The following INSR variants were observed in gnomAD, a reference collection of about 807,000 sequenced individuals.
INSR encodes insulin receptor, also known as IR.
INSR carries 67 observed loss-of-function variants against 142.6 expected under a neutral mutation model. That is an observed-to-expected ratio of 0.47 (90% confidence interval 0.39 to 0.58). INSR has a LOEUF of 0.58. INSR is among the 20% of genes least tolerant of loss of function. The probability of loss-of-function intolerance (pLI) is 0.00; values close to 1 mark genes in which losing one functional copy is unlikely to be tolerated. For synonymous variants in INSR, 756 were observed against 743.1 expected (o/e 1.02, Z -0.28); for missense variants, 1,248 against 1,833.2 (o/e 0.68, Z 5.83).
intron 9 of INSR, among the ~76,000 whole-genome samples, chr19:7,153,329 C>CA: frequency 2.2e-5 from 1 of 44,486 alleles, no homozygotes; most frequent in South Asian, 7.8e-4. Flanking sequence ...ACACCACACA[C>CA]ACCCACGCCA....
Position 7,192,733 on chromosome 19 carries a change from C to G in INSR, c.653-8096G>C, listed in dbSNP as rs968233851. Among the ~76,000 whole-genome samples, 2 of 152,158 alleles carry G rather than the reference C, an allele frequency of 1.3e-5. No homozygotes were observed. Among genetic ancestry groups the G allele is most frequent in the African/African-American group, 4.8e-5 (2 of 41,424 alleles). ...CAAAAATGCAAGTTCTGTGTCCATC[C>G]GCTGTCTCCCCTTCAAAGCCACATT... On this transcript the variant is annotated intron_variant, in intron 2 of 21. Transcript: ENST00000302850. This position sits in a 1 kb window ranked among gnomAD's most constrained non-coding sequence, Gnocchi z 4.2.
intron 2 of INSR, among the ~76,000 whole-genome samples, chr19:7,185,134 T>G (rs61418702): frequency 0.14 from 20,868 of 151,940 alleles, 1,905 homozygotes; most frequent in African/African-American, 0.26. Context: ...TATTAGGAGG[T>G]GGTGAGTTTT....
At chr19:7,210,018 A>G (rs1975226425) in intron 2 of INSR, among the ~76,000 whole-genome samples, 1 of 152,054 alleles carries the variant, frequency 6.6e-6, no homozygotes, top group South Asian at 2.1e-4. Flanking sequence ...AGAAACAGAG[A>G]TTCAAAATGA....
intron 13 of INSR, among the ~76,000 whole-genome samples, chr19:7,133,455 C>G (rs1251394714): frequency 6.6e-6 from 1 of 152,192 alleles, no homozygotes; most frequent in African/African-American, 2.4e-5. Flanking sequence ...GTGTTATTAG[C>G]TATAGTCACC....
In INSR at chr19:7,125,176, G is replaced by T; in HGVS notation, c.3258+107C>A. ...GGGAAGCTTAGTGGAGTGAGGGGTG[G>T]GTAGGAGGTTACACCCTGTGTCCTC... On this transcript the variant is annotated intron_variant, in intron 17 of 21. Coordinates refer to ENST00000302850, the MANE Select transcript of INSR (RefSeq NM_000208.4). The surrounding 1 kb of genome is among the most constrained non-coding windows in gnomAD (Gnocchi z 4.9). 2 of 1,341,034 alleles carry T rather than the reference G, an allele frequency of 1.5e-6. No homozygotes were observed. The highest frequency in any genetic ancestry group is 2.4e-5 in the South Asian group (2 of 82,644). The allele number at this position is 1,341,034 out of a possible 1,614,324, so 83.1% of individuals were successfully genotyped here. A position where few individuals can be genotyped will look rare whatever the true frequency, so the allele number is the denominator to read the frequency against.
intron 2 of INSR, among the ~76,000 whole-genome samples, chr19:7,255,041 C>G (rs768560070): frequency 6.6e-6 from 1 of 151,934 alleles, no homozygotes; most frequent in African/African-American, 2.4e-5. Flanking sequence ...CGCACCCACC[C>G]GCTCCAGGAA....
At chr19:7,246,266 G>A (rs1976533980) in intron 2 of INSR, among the ~76,000 whole-genome samples, 1 of 152,128 alleles carries the variant, frequency 6.6e-6, no homozygotes, top group Non-Finnish European at 1.5e-5. Flanking sequence ...CACACAAGAT[G>A]CAAACAGAAA....
rs187249683 is a variant in INSR, at chr19:7,198,188, C to T, written c.653-13551G>A. ...CGCACTCCGCTCCGGGGAATCCGGC[C>T]CCGGCGGTTGCGGCGGCCGCAGCGC... On this transcript the variant is annotated intron_variant, in intron 2 of 21. Coordinates refer to ENST00000302850, the MANE Select transcript of INSR (RefSeq NM_000208.4). Among the ~76,000 whole-genome samples, 39 of 151,786 alleles carry T rather than the reference C, an allele frequency of 2.6e-4. No homozygotes were observed. In the East Asian group the frequency reaches 7.4e-3, roughly 29 times the overall value.
intron 1 of INSR, among the ~76,000 whole-genome samples, chr19:7,282,046 G>A (rs1280839711): frequency 1.3e-5 from 2 of 152,142 alleles, no homozygotes; most frequent in African/African-American, 4.8e-5. Context: ...AGCTTGTTCT[G>A]CTGGAAACAA....
At chr19:7,273,086 T>G (rs1327710826) in intron 1 of INSR, among the ~76,000 whole-genome samples, 1 of 152,212 alleles carries the variant, frequency 6.6e-6, no homozygotes, top group Non-Finnish European at 1.5e-5. Context: ...GTTGCACAAC[T>G]GTAAATGTCC....
chr19:7,120,218 C>T (rs770072858), intron 20 of INSR, among the ~76,000 whole-genome samples: 1 of 152,200 alleles, frequency 6.6e-6, no homozygotes, highest in Non-Finnish European at 1.5e-5. Flanking sequence ...CTCCCCACTT[C>T]GAGTTGTCTC....
chr19:7,217,851 A>G (rs931084358), intron 2 of INSR, among the ~76,000 whole-genome samples: 46 of 152,304 alleles, frequency 3.0e-4, no homozygotes, highest in African/African-American at 9.1e-4. Context: ...AAGCCACCGC[A>G]CCCGGCCTTC....
At chr19:7,118,203 C>A (rs922217490) in intron 21 of INSR, among the ~76,000 whole-genome samples, 2 of 151,824 alleles carry the variant, frequency 1.3e-5, no homozygotes, top group African/African-American at 4.8e-5. Context: ...TGTGCCACTG[C>A]GCTCTACCAG....
chr19:7,293,865 C>T lies in INSR; in HGVS notation c.27G>A (p.Ala9=), dbSNP rs1250224034. The change falls in exon 1 of 22, where the codon GCG becomes GCA. Residue 9 remains alanine (A), a synonymous_variant. Transcript: ENST00000302850. ...CCGCCACCAGCAGCGGCGCGGCCGC[C>T]GCCCCCCGCCGGCCCCCGGTGGCCA... is the stretch of plus-strand genomic sequence containing the variant. The part of the protein sequence containing the change: MATGGRRG[A]AAAPLLVAVA... The T allele has an allele frequency of 1.6e-6, 2 of 1,241,092 alleles. No individual in the cohort carries two copies. Among genetic ancestry groups the T allele is most frequent in the South Asian group, 3.4e-5 (1 of 29,352 alleles). The allele number at this position is 1,241,092 out of a possible 1,614,324, so 76.9% of individuals were successfully genotyped here.
chr19:7,260,136 T>C (rs1331287817), intron 2 of INSR, among the ~76,000 whole-genome samples: 1 of 152,208 alleles, frequency 6.6e-6, no homozygotes, highest in African/African-American at 2.4e-5. Context: ...AACTCGTGCA[T>C]TTAAATACGT....
At chr19:7,160,852 G>T (rs1055059483) in intron 9 of INSR, among the ~76,000 whole-genome samples, 3 of 151,600 alleles carry the variant, frequency 2.0e-5, no homozygotes, top group African/African-American at 7.3e-5. Context: ...ACAAAAATTA[G>T]CCGGTGTAGT....
In INSR at chr19:7,162,550, C is replaced by A. The variant is rs553083515; in HGVS notation, c.2029+482G>T. Among the ~76,000 whole-genome samples, 19 of 149,036 alleles carry A rather than the reference C, an allele frequency of 1.3e-4. 1 individual carries two copies. The highest frequency in any genetic ancestry group is 2.5e-4 in the Non-Finnish European group (17 of 67,626). On this transcript the variant is annotated intron_variant, in intron 9 of 21. Coordinates refer to ENST00000302850, the MANE Select transcript of INSR (RefSeq NM_000208.4). The stretch of plus-strand genomic sequence containing the variant: ...AATAGGCCGGGTGTGGTGGCTCATG[C>A]CTGTAATCCCAGCACTTTGGGAGGC...
rs1486720777 is a variant in INSR, at chr19:7,116,185, A to G, written c.*871T>C. 5 of 149,472 alleles carry G rather than the reference A, an allele frequency of 3.3e-5. No individual in the cohort carries two copies. Among genetic ancestry groups the G allele is most frequent in the Admixed American group, 1.3e-4 (2 of 14,916 alleles). The allele number at this position is 149,472 out of a possible 1,614,324, so 9.3% of individuals were successfully genotyped here. On this transcript the variant is annotated 3_prime_UTR_variant, in exon 22 of 22. Transcript: ENST00000302850. Reference sequence around the variant, plus strand: ...CTTGAAAAGATTCATAATCACTCCAAATGAAATGCTCCTCCCTTGGCCACC... The same window carrying G: ...CTTGAAAAGATTCATAATCACTCCAGATGAAATGCTCCTCCCTTGGCCACC...
rs957223863 is a variant in INSR, at chr19:7,161,013, AAAT to A, written c.2029+2016_2029+2018del. On this transcript the variant is annotated intron_variant, in intron 9 of 21. Coordinates refer to ENST00000302850, the MANE Select transcript of INSR (RefSeq NM_000208.4). ...TCCGTGTCAAAAAAAAAAAAAAAGA[AAAT>A]AATAATAATAATAATTTTAAACTAA... Among the ~76,000 whole-genome samples the A allele has an allele frequency of 2.7e-5, 4 of 146,142 alleles. No individual in the cohort carries two copies. In the South Asian group the frequency reaches 6.5e-4, roughly 24 times the overall value.
Sources: allele counts gnomAD v4.1 joint callset (sites outside exome capture counted in the v4.1 genomes callset), GRCh38; gene constraint gnomAD v4.1.1; non-coding constraint Gnocchi (gnomAD v3.1); transcripts MANE v1.5; gene names NCBI Gene and HGNC (gene_info 2026-07-23, HGNC 2026-07-21).